The following MRPS6 variants were observed in gnomAD, a reference collection of about 807,000 sequenced individuals.
The protein encoded by MRPS6 is small ribosomal subunit protein bS6m.
In MRPS6, 6 loss-of-function variants were observed where a neutral mutation model predicts 13.1. The observed-to-expected ratio is 0.46, with a 90% CI of 0.25 to 0.91. MRPS6 has a LOEUF of 0.91. MRPS6 is among the 40% of genes least tolerant of loss of function. The probability of loss-of-function intolerance (pLI) is 0.18; values close to 1 mark genes in which losing one functional copy is unlikely to be tolerated. For missense variants in MRPS6, 164 were observed against 155.6 expected, an observed-to-expected ratio of 1.05 and a Z score of -0.29; for synonymous variants, 61 against 56.5, an observed-to-expected ratio of 1.08 and a Z score of -0.36.
intron 1 of MRPS6, among the ~76,000 whole-genome samples, chr21:34,119,562 A>G (rs1267516799): frequency 6.6e-6 from 1 of 152,116 alleles, no homozygotes; most frequent in East Asian, 1.9e-4. Context: ...TGAGTGTTGT[A>G]TAACTCTTTG....
chr21:34,078,609 CA>C, intron 1 of MRPS6, among the ~76,000 whole-genome samples: 1 of 152,036 alleles, frequency 6.6e-6, no homozygotes, highest in Non-Finnish European at 1.5e-5. Context: ...AAATCAGTTT[CA>C]AAAAATTAAG....
At chr21:34,104,846 GAT>G in intron 1 of MRPS6, 1 of 1,000,004 alleles carries the variant, frequency 1.0e-6, no homozygotes, top group Non-Finnish European at 1.2e-6. Flanking sequence ...TTAAATTTAA[GAT>G]AGTTTGTAAG....
chr21:34,127,899 A>G (rs1980363652), intron 2 of MRPS6, among the ~76,000 whole-genome samples: 1 of 152,212 alleles, frequency 6.6e-6, no homozygotes, highest in Admixed American at 6.5e-5. Flanking sequence ...TAGCATTCAA[A>G]GTTTTGGCTC....
Position 34,096,971 on chromosome 21 carries a change from T to A in MRPS6, c.45+23226T>A, listed in dbSNP as rs1978992825. The A allele has an allele frequency of 6.2e-7, 1 of 1,614,158 alleles. No homozygotes were observed. The highest frequency in any genetic ancestry group is 8.5e-7 in the Non-Finnish European group (1 of 1,180,008). ...ACCACATCATTCCCAACGGGAAATC[T>A]GAAGACAGCATTAAGGGCCTTCAGC... On this transcript the variant is annotated intron_variant, in intron 1 of 2. Coordinates refer to ENST00000399312, the MANE Select transcript of MRPS6 (RefSeq NM_032476.4). This position sits in a 1 kb window ranked among gnomAD's most constrained non-coding sequence, Gnocchi z 5.9.
At position 34,114,017 on chromosome 21, in the gene MRPS6, C is replaced by T. The variant is rs113918193; in HGVS notation, c.46-11324C>T. On this transcript the variant is annotated intron_variant, in intron 1 of 2. Transcript: ENST00000399312. Reference sequence around the variant, plus strand: ...CTCAGTAATGCCTACCTGATTCCTGCTCCCACTATCCATTTCACAAGCTTA... The same window carrying T: ...CTCAGTAATGCCTACCTGATTCCTGTTCCCACTATCCATTTCACAAGCTTA... Among the ~76,000 whole-genome samples the T allele has an allele frequency of 6.1e-3, 931 of 152,268 alleles. 4 individuals are homozygous for T. The highest frequency in any genetic ancestry group is 0.017 in the Middle Eastern group (5 of 294).
At chr21:34,107,989 T>C (rs577096732) in intron 1 of MRPS6, among the ~76,000 whole-genome samples, 1 of 152,286 alleles carries the variant, frequency 6.6e-6, no homozygotes, top group African/African-American at 2.4e-5. Context: ...ACACATACAG[T>C]CACATGTCTT....
At chr21:34,133,976 T>G (rs959252485) in intron 2 of MRPS6, among the ~76,000 whole-genome samples, 9 of 152,222 alleles carry the variant, frequency 5.9e-5, no homozygotes, top group African/African-American at 2.2e-4. Context: ...TGGGCCCCTG[T>G]TGGGTGAGAG....
intron 2 of MRPS6, among the ~76,000 whole-genome samples, chr21:34,127,368 A>G (rs778095186): frequency 1.3e-5 from 2 of 152,200 alleles, no homozygotes; most frequent in African/African-American, 2.4e-5. Context: ...GAGATGCTCC[A>G]TCAAAAAAGG....
intron 1 of MRPS6, chr21:34,095,130 G>T (rs1257096618): frequency 2.6e-6 from 4 of 1,537,296 alleles, no homozygotes; most frequent in Non-Finnish European, 3.5e-6. Flanking sequence ...ACTTGGCTGG[G>T]GTTACTAAAA....
At chr21:34,086,773 C>T (rs1179137048) in intron 1 of MRPS6, among the ~76,000 whole-genome samples, 2 of 151,900 alleles carry the variant, frequency 1.3e-5, no homozygotes, top group East Asian at 3.9e-4. Context: ...ATGCTAGTTA[C>T]TAAGGTAACT....
intron 1 of MRPS6, among the ~76,000 whole-genome samples, chr21:34,092,998 C>A (rs1449641452): frequency 6.6e-6 from 1 of 152,160 alleles, no homozygotes; most frequent in African/African-American, 2.4e-5. Flanking sequence ...ATTGACACAG[C>A]AGTTTTCATT....
intron 1 of MRPS6, chr21:34,103,770 T>C: frequency 1.0e-6 from 1 of 1,000,076 alleles, no homozygotes; most frequent in Non-Finnish European, 1.2e-6. Context: ...AAAGGAATAA[T>C]CTCAATAAGT....
intron 1 of MRPS6, among the ~76,000 whole-genome samples, chr21:34,109,362 C>T (rs1483647933): frequency 6.6e-6 from 1 of 152,130 alleles, no homozygotes; most frequent in Non-Finnish European, 1.5e-5. Context: ...GGGTTAAGTC[C>T]TGCGATATCT....
chr21:34,137,984 G>T (rs1253434329), intron 2 of MRPS6, among the ~76,000 whole-genome samples: 1 of 152,020 alleles, frequency 6.6e-6, no homozygotes, highest in Non-Finnish European at 1.5e-5. Flanking sequence ...TTTAATATAT[G>T]ATAGTAGTGA....
intron 1 of MRPS6, chr21:34,105,112 C>A (rs945441216): frequency 2.6e-5 from 26 of 1,000,012 alleles, no homozygotes; most frequent in Non-Finnish European, 3.1e-5. Context: ...ATGCCATACT[C>A]CATTAGTGTC....
At position 34,085,703 on chromosome 21, in the gene MRPS6, C is replaced by T. The variant is rs544525074; in HGVS notation, c.45+11958C>T. Among the ~76,000 whole-genome samples the T allele has an allele frequency of 8.6e-5, 13 of 151,292 alleles. No individual in the cohort carries two copies. In the East Asian group the frequency reaches 1.6e-3, roughly 18 times the overall value. On this transcript the variant is annotated intron_variant, in intron 1 of 2. Transcript: ENST00000399312. ...TGCAAGCTCTGCCTCCCGGGTTTCACGCCATTCTCCTGCCTCAGCCCCAGC... is the reference window on the plus strand; with the variant it reads ...TGCAAGCTCTGCCTCCCGGGTTTCATGCCATTCTCCTGCCTCAGCCCCAGC...
chr21:34,135,467 C>A, intron 2 of MRPS6: 1 of 487,012 alleles, frequency 2.1e-6, no homozygotes. Context: ...GCCAGCTCAT[C>A]CTTCTTCTTG....
chr21:34,138,354 T>C (rs1473160916), intron 2 of MRPS6, among the ~76,000 whole-genome samples: 8 of 152,208 alleles, frequency 5.3e-5, no homozygotes, highest in Non-Finnish European at 1.2e-4. Flanking sequence ...TGAATGGTAA[T>C]GCCTAGGTTT....
chr21:34,104,082 T>C (rs527529430), intron 1 of MRPS6: 47 of 999,688 alleles, frequency 4.7e-5, no homozygotes, highest in Non-Finnish European at 5.7e-5. Context: ...TTGTCTTTGA[T>C]TTTTTTTGTG....
Sources: gnomAD v4.1 joint callset for allele counts (sites outside exome capture counted in the v4.1 genomes callset) on GRCh38, gnomAD v4.1.1 for gene constraint, Gnocchi (gnomAD v3.1) non-coding constraint, MANE v1.5 for transcripts, NCBI Gene and HGNC (gene_info 2026-07-23, HGNC 2026-07-21) for gene names.